Variants in ELAVL1 observed in about 807,000 individuals in gnomAD.
ELAVL1 encodes ELAV like RNA binding protein 1.
ELAVL1 carries 1 observed loss-of-function variant against 28.4 expected under a neutral mutation model. That is an observed-to-expected ratio of 0.04 (90% CI 0.01 to 0.17). The LOEUF is 0.17. Among genes scored for constraint, ELAVL1 ranks in the 10% least tolerant of loss-of-function variants. ELAVL1 has a pLI of 1.00. For missense variants in ELAVL1, 157 were observed against 447.2 expected, an observed-to-expected ratio of 0.35 and a Z score of 5.85; for synonymous variants, 174 against 183.5, an observed-to-expected ratio of 0.95 and a Z score of 0.42.
intron 2 of ELAVL1, among the ~76,000 whole-genome samples, chr19:7,990,839 G>A (rs1431571742): frequency 1.3e-5 from 2 of 152,188 alleles, no homozygotes; most frequent in African/African-American, 2.4e-5. Context: ...TGGGAGAGGA[G>A]GAGGAGGAGA....
intron 3 of ELAVL1, among the ~76,000 whole-genome samples, chr19:7,974,592 A>G (rs1249911676): frequency 1.3e-5 from 2 of 152,102 alleles, no homozygotes; most frequent in Non-Finnish European, 2.9e-5. Flanking sequence ...TGGGCCCAGA[A>G]GGAAGAAAAG....
At chr19:7,999,905 T>C (rs1304976235) in intron 1 of ELAVL1, among the ~76,000 whole-genome samples, 1 of 152,106 alleles carries the variant, frequency 6.6e-6, no homozygotes, top group East Asian at 1.9e-4. Context: ...GCCTCCCGAG[T>C]AGCTGAGATT....
At chr19:7,964,516 G>A (rs931274290) in intron 5 of ELAVL1, among the ~76,000 whole-genome samples, 9 of 152,124 alleles carry the variant, frequency 5.9e-5, no homozygotes, top group Non-Finnish European at 1.5e-5. Context: ...TCTTTCCACA[G>A]TGATACTTTT....
intron 3 of ELAVL1, among the ~76,000 whole-genome samples, chr19:7,978,269 TGA>T (rs1985356686): frequency 6.6e-6 from 1 of 152,132 alleles, no homozygotes; most frequent in Non-Finnish European, 1.5e-5. Context: ...GGATCCCACT[TGA>T]GTTTGTGCTA....
chr19:7,984,243 A>G (rs1568313103), intron 2 of ELAVL1, among the ~76,000 whole-genome samples: 1 of 152,178 alleles, frequency 6.6e-6, no homozygotes, highest in Non-Finnish European at 1.5e-5. Flanking sequence ...TTAGTGATGC[A>G]TGACAGAGGA....
At chr19:7,986,086 A>C (rs1377458487) in intron 2 of ELAVL1, among the ~76,000 whole-genome samples, 1 of 152,220 alleles carries the variant, frequency 6.6e-6, no homozygotes, top group Non-Finnish European at 1.5e-5. Flanking sequence ...GATGAGGGTT[A>C]AGACTGGAGA....
intron 4 of ELAVL1, among the ~76,000 whole-genome samples, chr19:7,971,166 G>A (rs993718776): frequency 6.6e-6 from 1 of 152,244 alleles, no homozygotes; most frequent in African/African-American, 2.4e-5. Context: ...ACACTATCTT[G>A]CAGAGGGAAA....
intron 3 of ELAVL1, among the ~76,000 whole-genome samples, chr19:7,976,173 C>T (rs1005366733): frequency 1.5e-4 from 22 of 150,834 alleles, no homozygotes; most frequent in South Asian, 4.2e-4. Flanking sequence ...GAGGCCGAGG[C>T]GGGTGGATCA....
chr19:7,999,761 T>C lies in ELAVL1; in HGVS notation c.-17+5734A>G, dbSNP rs111805501. On this transcript the variant is annotated intron_variant, in intron 1 of 5. Coordinates refer to ENST00000407627, the MANE Select transcript of ELAVL1 (RefSeq NM_001419.3). ...CTACGTAGTCCTACTAAGTCCTCTA[T>C]GTAGTTCTGTCTAAGCTTTTTTATG... 1.8e-3 allele frequency among the ~76,000 whole-genome samples: 281 copies of C among 152,194 alleles called. 1 individual carries two copies. Among genetic ancestry groups the C allele is most frequent in the African/African-American group, 6.5e-3 (269 of 41,536 alleles).
intron 1 of ELAVL1, among the ~76,000 whole-genome samples, chr19:7,998,548 A>G (rs1356274679): frequency 1.3e-5 from 2 of 150,974 alleles, no homozygotes; most frequent in Non-Finnish European, 3.0e-5. Flanking sequence ...CTTCCCGCTC[A>G]CTCCAGCTTC....
intron 4 of ELAVL1, among the ~76,000 whole-genome samples, chr19:7,972,080 GCA>G (rs1287973314): frequency 6.6e-6 from 1 of 152,220 alleles, no homozygotes; most frequent in Non-Finnish European, 1.5e-5. Context: ...CCAAGGTGCG[GCA>G]CACACAGTCT....
chr19:7,983,859 T>C (rs1157927797), intron 2 of ELAVL1, among the ~76,000 whole-genome samples: 1 of 152,134 alleles, frequency 6.6e-6, no homozygotes, highest in Admixed American at 6.5e-5. Flanking sequence ...GGATGGTCAC[T>C]GCCCTGGGGA....
chr19:8,005,163 C>G (rs2081082767), intron 1 of ELAVL1, among the ~76,000 whole-genome samples: 1 of 152,056 alleles, frequency 6.6e-6, no homozygotes, highest in Non-Finnish European at 1.5e-5. Flanking sequence ...CCGTAGCTGG[C>G]CCCACTCTCC....
At chr19:7,967,511 G>A (rs1984988201) in intron 5 of ELAVL1, 54 bp downstream of exon 5, 14 of 1,577,316 alleles carry the variant, frequency 8.9e-6, no homozygotes, top group African/African-American at 2.7e-5. Context: ...CTGTGCCGTC[G>A]CCTGCCAGCG....
At chr19:7,978,700 G>A (rs1298526985) in intron 3 of ELAVL1, among the ~76,000 whole-genome samples, 2 of 152,166 alleles carry the variant, frequency 1.3e-5, no homozygotes, top group Non-Finnish European at 2.9e-5. Context: ...AAGGGGTGGC[G>A]GGAACCCTGA....
rs190654134 is a variant in ELAVL1 at position 7,976,359 on chromosome 19, G to A, written c.277-2481C>T. Among the ~76,000 whole-genome samples the A allele has an allele frequency of 1.9e-3, 283 of 150,028 alleles. 1 individual carries two copies. The highest frequency in any genetic ancestry group is 6.5e-3 in the African/African-American group (265 of 40,754). ...GGAGCTTGCAGTGAGCCGAGATCGC[G>A]CCACTGCACTCCAGCCTGAGTGACA... On this transcript the variant is annotated intron_variant, in intron 3 of 5. Transcript: ENST00000407627.
intron 4 of ELAVL1, among the ~76,000 whole-genome samples, chr19:7,971,491 C>A (rs902122731): frequency 2.6e-5 from 4 of 152,240 alleles, no homozygotes; most frequent in Non-Finnish European, 5.9e-5. Flanking sequence ...GGGCAATAAA[C>A]CCACACACTG....
At chr19:7,999,492 T>G (rs569670805) in intron 1 of ELAVL1, among the ~76,000 whole-genome samples, 1 of 152,242 alleles carries the variant, frequency 6.6e-6, no homozygotes, top group East Asian at 1.9e-4. Context: ...CTATCATTAT[T>G]TGCCTTACAC....
chr19:8,003,480 C>G (rs933008219), intron 1 of ELAVL1, among the ~76,000 whole-genome samples: 1 of 150,634 alleles, frequency 6.6e-6, no homozygotes, highest in Non-Finnish European at 1.5e-5. Context: ...ATCACAAGGT[C>G]AGGAGATCGA....
Sources: gnomAD v4.1 joint callset for allele counts (sites outside exome capture counted in the v4.1 genomes callset) on GRCh38, gnomAD v4.1.1 for gene constraint, MANE v1.5 for transcripts, NCBI Gene and HGNC (gene_info 2026-07-23, HGNC 2026-07-21) for gene names.